The following ZMAT4 variants were observed in gnomAD, a reference collection of about 807,000 sequenced individuals.
The protein encoded by ZMAT4 is zinc finger matrin-type protein 4.
A neutral mutation model predicts 28.7 loss-of-function variants in ZMAT4; 17 were observed. That is an observed-to-expected ratio of 0.59 (90% CI 0.41 to 0.89). The LOEUF is 0.89. ZMAT4 is among the 40% of genes least tolerant of loss of function. ZMAT4 has a pLI of 0.00. For missense variants in ZMAT4, 240 were observed against 283.8 expected (o/e 0.85, Z 1.11); for synonymous variants, 117 against 109.2 (o/e 1.07, Z -0.44).
intron 6 of ZMAT4, among the ~76,000 whole-genome samples, chr8:40,562,906 C>G (rs1055134024): frequency 2.0e-5 from 3 of 152,124 alleles, no homozygotes; most frequent in African/African-American, 7.2e-5. Context: ...ACTTCTCTTC[C>G]TTTGTCACGA....
chr8:40,852,609 TA>T (rs928107643), intron 1 of ZMAT4, among the ~76,000 whole-genome samples: 14 of 152,348 alleles, frequency 9.2e-5, no homozygotes, highest in South Asian at 2.1e-4. Context: ...TGACAAGGGA[TA>T]GCTCCTTAAA....
chr8:40,735,960 A>G (rs924487593), intron 3 of ZMAT4, among the ~76,000 whole-genome samples: 3 of 152,192 alleles, frequency 2.0e-5, no homozygotes, highest in Non-Finnish European at 4.4e-5. Flanking sequence ...AGATCTTTCA[A>G]ATTCAGTCTT....
At chr8:40,534,536 A>G (rs952378607) in intron 6 of ZMAT4, among the ~76,000 whole-genome samples, 3 of 152,244 alleles carry the variant, frequency 2.0e-5, no homozygotes, top group Non-Finnish European at 4.4e-5. Flanking sequence ...AGCCTTAAAT[A>G]TGATTCCATC....
At chr8:40,575,282 C>T (rs1485839821) in intron 6 of ZMAT4, among the ~76,000 whole-genome samples, 3 of 152,208 alleles carry the variant, frequency 2.0e-5, no homozygotes, top group East Asian at 1.9e-4. Context: ...GTATGCTATG[C>T]GCCCAGCCAG....
At chr8:40,806,789 T>C (rs910328401) in intron 2 of ZMAT4, among the ~76,000 whole-genome samples, 3 of 149,324 alleles carry the variant, frequency 2.0e-5, no homozygotes, top group African/African-American at 7.7e-5. Context: ...TTTGATGTGT[T>C]TTTTTAAAAT....
chr8:40,880,143 G>A (rs1162526145), intron 1 of ZMAT4, among the ~76,000 whole-genome samples: 1 of 152,120 alleles, frequency 6.6e-6, no homozygotes, highest in Non-Finnish European at 1.5e-5. Context: ...CAAGACGGGT[G>A]GATTACCTGA....
chr8:40,721,818 A>G (rs1427274693), intron 3 of ZMAT4, among the ~76,000 whole-genome samples: 1 of 151,290 alleles, frequency 6.6e-6, no homozygotes, highest in Non-Finnish European at 1.5e-5. Context: ...CCACTTTTTG[A>G]TGGGGTTGTT....
In ZMAT4 at chr8:40,592,384, C is replaced by T. The variant is rs142846587; in HGVS notation, c.578-11123G>A. On this transcript the variant is annotated intron_variant, in intron 5 of 6. Transcript: ENST00000297737. ...TGTATTACTCTATTACTCCATACTA[C>T]CGTCATTCCAAAGTACAGGATGTTT... Among the ~76,000 whole-genome samples the T allele has an allele frequency of 2.2e-3, 333 of 152,336 alleles. 1 individual carries two copies. Among genetic ancestry groups the T allele is most frequent in the Middle Eastern group, 0.01 (3 of 294 alleles).
intron 5 of ZMAT4, among the ~76,000 whole-genome samples, chr8:40,628,411 T>C (rs1806453849): frequency 6.6e-6 from 1 of 152,216 alleles, no homozygotes; most frequent in African/African-American, 2.4e-5. Context: ...GTCTTCGTAA[T>C]AACCTTATGA....
intron 1 of ZMAT4, among the ~76,000 whole-genome samples, chr8:40,882,415 C>T (rs149742383): frequency 3.0e-4 from 45 of 152,258 alleles, no homozygotes; most frequent in Non-Finnish European, 4.7e-4. Flanking sequence ...TTCCAAAGAA[C>T]GCAAAAACCC....
In ZMAT4 at chr8:40,700,633, G is replaced by A. The variant is rs995927245; in HGVS notation, c.193-3232C>T. On this transcript the variant is annotated intron_variant, in intron 3 of 6. Coordinates refer to ENST00000297737, the MANE Select transcript of ZMAT4 (RefSeq NM_024645.3). The stretch of plus-strand genomic sequence containing the variant: ...AGAGAATGTCTACAACCTGTTTTCC[G>A]GGCTGGCCTCGAACTCCTAGGCTCA... 2.6e-5 allele frequency among the ~76,000 whole-genome samples: 4 copies of A among 151,564 alleles called. No individual in the cohort carries two copies. The East Asian group carries it at 7.8e-4, about 29-fold the overall frequency.
In ZMAT4 at chr8:40,655,434, G is replaced by A. The variant is rs370945543; in HGVS notation, c.577+19270C>T. Among the ~76,000 whole-genome samples, 9 of 151,294 alleles carry A rather than the reference G, an allele frequency of 5.9e-5. No homozygotes were observed. The East Asian group carries it at 1.4e-3, about 23-fold the overall frequency. ...TACCAAAATCCTAGCTGCCTTTTTG[G>A]AGAAATTGACAATGTGGCTCTAAAA... On this transcript the variant is annotated intron_variant, in intron 5 of 6. Transcript: ENST00000297737.
At chr8:40,671,358 A>C (rs1808658673) in intron 5 of ZMAT4, among the ~76,000 whole-genome samples, 1 of 152,186 alleles carries the variant, frequency 6.6e-6, no homozygotes, top group South Asian at 2.1e-4. Context: ...ACCAAAAAAA[A>C]GTCTTGTGCC....
chr8:40,689,734 T>C (rs1051488304), intron 4 of ZMAT4, among the ~76,000 whole-genome samples: 3 of 151,930 alleles, frequency 2.0e-5, no homozygotes, highest in Admixed American at 6.6e-5. Flanking sequence ...GTTTTGCGTA[T>C]GGATTTCAAG....
chr8:40,611,039 G>T (rs1254787868), intron 5 of ZMAT4, among the ~76,000 whole-genome samples: 1 of 151,652 alleles, frequency 6.6e-6, no homozygotes. Flanking sequence ...TGAGAACAGT[G>T]GTCTGTGCTT....
chr8:40,823,842 T>C (rs1484930915), intron 2 of ZMAT4, among the ~76,000 whole-genome samples: 1 of 152,186 alleles, frequency 6.6e-6, no homozygotes, highest in African/African-American at 2.4e-5. Flanking sequence ...CTTTTAACAA[T>C]GACTATACGA....
At chr8:40,777,071 T>C (rs1158070147) in intron 2 of ZMAT4, among the ~76,000 whole-genome samples, 1 of 152,150 alleles carries the variant, frequency 6.6e-6, no homozygotes, top group East Asian at 1.9e-4. Flanking sequence ...TAGTATTTCA[T>C]TAAATACTTT....
At chr8:40,788,360 G>A (rs928029067) in intron 2 of ZMAT4, among the ~76,000 whole-genome samples, 32 of 152,246 alleles carry the variant, frequency 2.1e-4, no homozygotes, top group African/African-American at 2.4e-4. Flanking sequence ...CGGGGCAGGC[G>A]GATCACGAGG....
chr8:40,644,199 T>C (rs1188158166), intron 5 of ZMAT4, among the ~76,000 whole-genome samples: 1 of 152,058 alleles, frequency 6.6e-6, no homozygotes, highest in Non-Finnish European at 1.5e-5. Flanking sequence ...AGAATTTGAT[T>C]AGATGGAATA....
Sources: gnomAD v4.1 joint callset for allele counts (sites outside exome capture counted in the v4.1 genomes callset) on GRCh38, gnomAD v4.1.1 for gene constraint, MANE v1.5 for transcripts, NCBI Gene and HGNC (gene_info 2026-07-23, HGNC 2026-07-21) for gene names.